Variants in EEF1AKMT1 observed in about 807,000 individuals in gnomAD.
EEF1AKMT1 encodes the protein EEF1A lysine methyltransferase 1.
EEF1AKMT1 carries 18 observed loss-of-function variants against 21.0 expected under a neutral mutation model. The ratio of observed to expected loss-of-function variants is 0.86; its 90% CI spans 0.59 to 1.27. The LOEUF is 1.27. Ranked by LOEUF, EEF1AKMT1 falls within the 50% of genes most tolerant of loss-of-function variation. The pLI is 0.00. For synonymous variants in EEF1AKMT1, 109 were observed against 94.8 expected, an observed-to-expected ratio of 1.15 and a Z score of -0.87; for missense variants, 246 against 258.6, an observed-to-expected ratio of 0.95 and a Z score of 0.33.
chr13:20,732,258 A>G, intron 3 of EEF1AKMT1, 137 bp from the exon 4 acceptor site: 1 of 900,810 alleles, frequency 1.1e-6, no homozygotes, highest in Non-Finnish European at 1.6e-6. Context: ...CTAGTGTAAT[A>G]GTTAATGTTG....
At position 20,759,412 on chromosome 13, in the gene EEF1AKMT1, T is replaced by C. The variant is rs573326870; in HGVS notation, c.-19-1795A>G. On this transcript the variant is annotated intron_variant, in intron 1 of 4. Coordinates refer to ENST00000382758, the MANE Select transcript of EEF1AKMT1 (RefSeq NM_001318939.2). Reference sequence around the variant, plus strand: ...GGCTAACACAGTGAAACCCCGTCTCTACTAAAAAATACAAACAATTCGCCA... The same window carrying C: ...GGCTAACACAGTGAAACCCCGTCTCCACTAAAAAATACAAACAATTCGCCA... 2.6e-5 allele frequency among the ~76,000 whole-genome samples: 4 copies of C among 152,020 alleles called. No homozygotes were observed. In the South Asian group the frequency reaches 8.3e-4, roughly 32 times the overall value.
chr13:20,739,065 G>C (rs1044884492), intron 2 of EEF1AKMT1, among the ~76,000 whole-genome samples: 1 of 152,076 alleles, frequency 6.6e-6, no homozygotes, highest in Admixed American at 6.5e-5. Context: ...TCCTGGGGGG[G>C]TCGTGGTCTC....
At chr13:20,766,458 T>A (rs1244431707) in intron 1 of EEF1AKMT1, among the ~76,000 whole-genome samples, 1 of 152,208 alleles carries the variant, frequency 6.6e-6, no homozygotes, top group Non-Finnish European at 1.5e-5. Flanking sequence ...GAAAACATTT[T>A]ATGAATCTAT....
chr13:20,772,672 G>C (rs767815033), intron 1 of EEF1AKMT1, among the ~76,000 whole-genome samples: 4 of 152,078 alleles, frequency 2.6e-5, no homozygotes, highest in Non-Finnish European at 5.9e-5. Flanking sequence ...GCTTCAACTC[G>C]GCCTCAGGAA....
intron 2 of EEF1AKMT1, among the ~76,000 whole-genome samples, chr13:20,754,663 C>G (rs527256520): frequency 6.7e-6 from 1 of 149,754 alleles, no homozygotes; most frequent in African/African-American, 2.5e-5. Flanking sequence ...AATCCCAGTA[C>G]TTTGGGAGGC....
intron 3 of EEF1AKMT1, among the ~76,000 whole-genome samples, chr13:20,735,590 C>CCG (rs1467183343): frequency 1.3e-5 from 2 of 152,194 alleles, no homozygotes; most frequent in East Asian, 3.9e-4. Context: ...GTCTTAGACA[C>CCG]GGGGGTTCCC....
intron 2 of EEF1AKMT1, among the ~76,000 whole-genome samples, chr13:20,745,843 A>T (rs2058900822): frequency 2.0e-5 from 3 of 152,016 alleles, no homozygotes; most frequent in Admixed American, 2.0e-4. Context: ...GCGAGACTAC[A>T]TCTCGAAAAA....
At chr13:20,757,040 A>G (rs1209404150) in intron 2 of EEF1AKMT1, among the ~76,000 whole-genome samples, 1 of 152,124 alleles carries the variant, frequency 6.6e-6, no homozygotes, top group African/African-American at 2.4e-5. Context: ...TGGACGCAGT[A>G]GAAGAACTTG....
rs539714630 is a variant in EEF1AKMT1 at position 20,738,517 on chromosome 13, C to G, written c.145-712G>C. ...CCCTGAATGGCAGGCTCGGGGCAGC[C>G]AGTTGCATGGGGCATGCCAACTGGG... is the stretch of plus-strand genomic sequence containing the variant. On this transcript the variant is annotated intron_variant, in intron 2 of 4. Coordinates refer to ENST00000382758, the MANE Select transcript of EEF1AKMT1 (RefSeq NM_001318939.2). 1.0e-3 allele frequency among the ~76,000 whole-genome samples: 153 copies of G among 152,172 alleles called. 1 individual carries two copies. The highest frequency in any genetic ancestry group is 1.4e-3 in the Non-Finnish European group (96 of 68,024).
At chr13:20,732,488 G>A (rs550557500) in intron 3 of EEF1AKMT1, among the ~76,000 whole-genome samples, 12 of 151,416 alleles carry the variant, frequency 7.9e-5, no homozygotes, top group African/African-American at 1.7e-4. Flanking sequence ...GCGCCACTGC[G>A]CCTGGCTAAT....
At chr13:20,740,126 C>T (rs966527381) in intron 2 of EEF1AKMT1, among the ~76,000 whole-genome samples, 5 of 152,230 alleles carry the variant, frequency 3.3e-5, no homozygotes, top group Admixed American at 1.3e-4. Flanking sequence ...GCAGGTGGGC[C>T]GGTAGTGCTG....
In EEF1AKMT1 at chr13:20,728,981, T is replaced by C; in HGVS notation, c.*99A>G. 6.7e-7 allele frequency: 1 copy of C among 1,482,866 alleles called. No homozygotes were observed. Among genetic ancestry groups the C allele is most frequent in the African/African-American group, 1.4e-5 (1 of 72,226 alleles). 91.9% of individuals were successfully genotyped at this position (1,482,866 alleles called of 1,614,324 possible). A position where few individuals can be genotyped will look rare whatever the true frequency, so the allele number is the denominator to read the frequency against. On this transcript the variant is annotated 3_prime_UTR_variant, in exon 5 of 5. Coordinates refer to ENST00000382758, the MANE Select transcript of EEF1AKMT1 (RefSeq NM_001318939.2). ...AACCAGGCCAGGGACAGCTCCAGTT[T>C]GGGGGGAGGGGAAGAGATTATAACT...
intron 1 of EEF1AKMT1, among the ~76,000 whole-genome samples, chr13:20,771,785 C>G (rs190036277): frequency 4.4e-4 from 67 of 152,246 alleles, no homozygotes; most frequent in African/African-American, 1.5e-3. Context: ...TCGAGGCGGG[C>G]AGATCACCTT....
At chr13:20,764,877 T>G (rs2059019130) in intron 1 of EEF1AKMT1, among the ~76,000 whole-genome samples, 1 of 80,984 alleles carries the variant, frequency 1.2e-5, no homozygotes, top group South Asian at 5.4e-4. Flanking sequence ...TCCTTTCACT[T>G]TCAACACACA....
intron 2 of EEF1AKMT1, among the ~76,000 whole-genome samples, chr13:20,739,155 C>T (rs963048412): frequency 6.6e-6 from 1 of 151,774 alleles, no homozygotes; most frequent in African/African-American, 2.4e-5. Context: ...GTTGGTAGTT[C>T]CTCCCATCCG....
At chr13:20,744,158 G>GTGTGCA (rs1461857580) in intron 2 of EEF1AKMT1, among the ~76,000 whole-genome samples, 2 of 152,180 alleles carry the variant, frequency 1.3e-5, no homozygotes, top group African/African-American at 4.8e-5. Flanking sequence ...ATAAACATAT[G>GTGTGCA]TGTGCATGTG....
intron 2 of EEF1AKMT1, among the ~76,000 whole-genome samples, chr13:20,745,905 C>G (rs2058901423): frequency 6.6e-6 from 1 of 152,002 alleles, no homozygotes; most frequent in Non-Finnish European, 1.5e-5. Flanking sequence ...ATGACTATAA[C>G]AATTAAAACA....
At chr13:20,740,849 T>C (rs2058866381) in intron 2 of EEF1AKMT1, among the ~76,000 whole-genome samples, 1 of 151,458 alleles carries the variant, frequency 6.6e-6, no homozygotes, top group East Asian at 1.9e-4. Context: ...GGTGAATTTA[T>C]GGTATGTGAA....
At chr13:20,770,726 A>G (rs1030221686) in intron 1 of EEF1AKMT1, among the ~76,000 whole-genome samples, 1 of 152,200 alleles carries the variant, frequency 6.6e-6, no homozygotes, top group Non-Finnish European at 1.5e-5. Context: ...GGCAAAATCG[A>G]AGAGTACAAG....
Sources: gnomAD v4.1 joint callset for allele counts (sites outside exome capture counted in the v4.1 genomes callset) on GRCh38, gnomAD v4.1.1 for gene constraint, MANE v1.5 for transcripts, NCBI Gene and HGNC (gene_info 2026-07-23, HGNC 2026-07-21) for gene names.